BRAF: variants seen among roughly 807,000 people sequenced by gnomAD.
The protein encoded by BRAF is B-Raf proto-oncogene, serine/threonine kinase, also known as serine/threonine-protein kinase B-raf.
A neutral mutation model predicts 104.6 loss-of-function variants in BRAF; 16 were observed. The observed-to-expected ratio is 0.15, with a 90% CI of 0.10 to 0.23. BRAF has a LOEUF of 0.23. Ranked by LOEUF, BRAF falls within the 10% of genes least tolerant of loss-of-function variation. The probability of loss-of-function intolerance (pLI) is 1.00; values close to 1 mark genes in which losing one functional copy is unlikely to be tolerated. For missense variants in BRAF, 541 were observed against 937.3 expected (o/e 0.58, Z 5.52); for synonymous variants, 310 against 341.6 (o/e 0.91, Z 1.02).
At chr7:140,794,567 C>A (rs939932898) in intron 7 of BRAF, 100 bp from the exon 8 acceptor site, 71 of 1,371,568 alleles carry the variant, frequency 5.2e-5, no homozygotes, top group Non-Finnish European at 5.1e-6. Context: ...TTTTTATATT[C>A]TCAAAATCAT....
intron 3 of BRAF, among the ~76,000 whole-genome samples, chr7:140,829,545 A>G (rs1806481716): frequency 6.6e-6 from 1 of 152,040 alleles, no homozygotes. Context: ...GATACCTATT[A>G]TATTCCACTG....
chr7:140,791,288 A>T (rs1801939268), intron 8 of BRAF, among the ~76,000 whole-genome samples: 1 of 152,216 alleles, frequency 6.6e-6, no homozygotes, highest in Non-Finnish European at 1.5e-5. Context: ...AATGAAGTAA[A>T]GATGACATTT....
chr7:140,717,149 A>G (rs951699518), downstream of BRAF, among the ~76,000 whole-genome samples: 1 of 152,236 alleles, frequency 6.6e-6, no homozygotes, highest in African/African-American at 2.4e-5. Flanking sequence ...AGCCATCGTG[A>G]CAAAATTATA....
chr7:140,882,990 T>C (rs1813115332), intron 1 of BRAF, among the ~76,000 whole-genome samples: 1 of 148,902 alleles, frequency 6.7e-6, no homozygotes. Context: ...CGAAACTCCA[T>C]CTCAAAAAAT....
Position 140,761,730 on chromosome 7 carries a change from G to T in BRAF, c.1815-7497C>A, listed in dbSNP as rs1798760620. Among the ~76,000 whole-genome samples the T allele has an allele frequency of 5.9e-5, 9 of 152,212 alleles. No homozygotes were observed. In the South Asian group the frequency reaches 1.7e-3, roughly 28 times the overall value. On this transcript the variant is annotated intron_variant, in intron 14 of 19. Transcript: ENST00000644969. Reference sequence around the variant, plus strand: ...AAGTGGAAAACAAAAAAAGGCAGGGGTTGCAATCCTAGTCTCTGATAAAAC... The same window carrying T: ...AAGTGGAAAACAAAAAAAGGCAGGGTTTGCAATCCTAGTCTCTGATAAAAC...
Position 140,720,040 on chromosome 7 carries a change from G to T in BRAF, c.*6454C>A. On this transcript the variant is annotated 3_prime_UTR_variant, in exon 20 of 20. Transcript: ENST00000644969. ...CCTCAAACCAAGGAATACATGAAAA[G>T]GGGGGATTTCCTTTTTCTTGGTCTA... 1 of 1,061,386 alleles carries T rather than the reference G, an allele frequency of 9.4e-7. No homozygotes were observed. 65.7% of individuals were successfully genotyped at this position (1,061,386 alleles called of 1,614,324 possible).
rs142978894 is a variant in BRAF, at chr7:140,896,255, G to A, written c.138+28311C>T. Among the ~76,000 whole-genome samples, 763 of 152,144 alleles carry A rather than the reference G, an allele frequency of 5.0e-3. 5 individuals carry two copies. Among genetic ancestry groups the A allele is most frequent in the African/African-American group, 0.016 (676 of 41,484 alleles). On this transcript the variant is annotated intron_variant, in intron 1 of 19. Coordinates refer to ENST00000644969, the MANE Select transcript of BRAF (RefSeq NM_001374258.1). The stretch of plus-strand genomic sequence containing the variant: ...TTTGATCCATTTTGAGTTGATTTTT[G>A]TATAGGGTGAGAGGTGGGGGTCTAG...
In BRAF at chr7:140,720,413, A is replaced by G. The variant is rs985035033; in HGVS notation, c.*6081T>C. ...GTATGTAAACTAACATAACATGAAG[A>G]TAAATAAGACATAAAGGCTAGCCAC... On this transcript the variant is annotated 3_prime_UTR_variant, in exon 20 of 20. Transcript: ENST00000644969. 1.9e-6 allele frequency: 2 copies of G among 1,062,602 alleles called. No homozygotes were observed. The highest frequency in any genetic ancestry group is 3.3e-5 in the African/African-American group (2 of 60,958). 65.8% of individuals were successfully genotyped at this position (1,062,602 alleles called of 1,614,324 possible). A position where few individuals can be genotyped will look rare whatever the true frequency, so the allele number is the denominator to read the frequency against.
Position 140,754,317 on chromosome 7 carries a change from A to G in BRAF, c.1815-84T>C. The G allele has an allele frequency of 3.5e-6, 4 of 1,153,136 alleles. No homozygotes were observed. The South Asian group carries it at 3.7e-5, about 11-fold the overall frequency. 71.4% of individuals were successfully genotyped at this position (1,153,136 alleles called of 1,614,324 possible). Reference sequence around the variant, plus strand: ...CTACAGAACATACTTGGGGGTGTAAAGACTTATTTAGAATCATGATACAAC... The same window carrying G: ...CTACAGAACATACTTGGGGGTGTAAGGACTTATTTAGAATCATGATACAAC... On this transcript the variant is annotated intron_variant, in intron 14 of 19. Transcript: ENST00000644969.
intron 2 of BRAF, chr7:140,836,219 T>C (rs1807321708): frequency 6.6e-6 from 1 of 152,196 alleles, no homozygotes; most frequent in South Asian, 2.1e-4. Context: ...TATATGTTTG[T>C]GAAATTTAAA....
At chr7:140,801,227 A>G (rs1803076446) in intron 6 of BRAF, 185 bp downstream of exon 6, 3 of 629,034 alleles carry the variant, frequency 4.8e-6, no homozygotes, top group Non-Finnish European at 8.3e-6. Context: ...CTGAACCAGC[A>G]TTACAATTTG....
intron 2 of BRAF, among the ~76,000 whole-genome samples, chr7:140,845,330 A>C (rs1209966120): frequency 6.6e-6 from 1 of 152,206 alleles, no homozygotes; most frequent in Non-Finnish European, 1.5e-5. Context: ...CTTGGATATG[A>C]TATCAAAGGC....
In BRAF at chr7:140,775,288, T is replaced by G. The variant is rs927877492; in HGVS notation, c.1814+1624A>C. 4.6e-5 allele frequency among the ~76,000 whole-genome samples: 7 copies of G among 152,164 alleles called. No homozygotes were observed. The East Asian group carries it at 1.2e-3, about 25-fold the overall frequency. On this transcript the variant is annotated intron_variant, in intron 14 of 19. Transcript: ENST00000644969. ...CAGTGGTGTGGGAAGAGAATAAGCC[T>G]TTGTTTCTCACTGAATGTTCACAAT...
chr7:140,724,959 A>G lies in BRAF; in HGVS notation c.*1535T>C, dbSNP rs1274191802. On this transcript the variant is annotated 3_prime_UTR_variant, in exon 20 of 20. Transcript: ENST00000644969. ...GGTTATATTTTCCATTTGTGCAAAG[A>G]TAAGATTTAGGTTCTTAATGAATGC... 1.1e-5 allele frequency: 11 copies of G among 1,043,284 alleles called. No homozygotes were observed. Among genetic ancestry groups the G allele is most frequent in the African/African-American group, 3.3e-5 (2 of 59,852 alleles). The allele number at this position is 1,043,284 out of a possible 1,614,324, so 64.6% of individuals were successfully genotyped here. A position where few individuals can be genotyped will look rare whatever the true frequency, so the allele number is the denominator to read the frequency against.
chr7:140,866,985 T>C (rs938657422), intron 1 of BRAF, among the ~76,000 whole-genome samples: 5 of 152,110 alleles, frequency 3.3e-5, no homozygotes, highest in African/African-American at 1.2e-4. Context: ...TTTGAAAAAA[T>C]AGTTTTCAAA....
At chr7:140,813,805 A>G (rs1298994738) in intron 3 of BRAF, among the ~76,000 whole-genome samples, 1 of 152,186 alleles carries the variant, frequency 6.6e-6, no homozygotes, top group Non-Finnish European at 1.5e-5. Context: ...AAATAAATGT[A>G]TTTGTACTTA....
At chr7:140,834,944 T>C in intron 2 of BRAF, 72 bp from the exon 3 acceptor site, 1 of 1,568,212 alleles carries the variant, frequency 6.4e-7, no homozygotes, top group African/African-American at 1.4e-5. Flanking sequence ...TATAAAATTT[T>C]AGCCTTTGAT....
intron 19 of BRAF, among the ~76,000 whole-genome samples, chr7:140,730,115 T>A (rs1290073324): frequency 6.6e-6 from 1 of 152,100 alleles, no homozygotes; most frequent in African/African-American, 2.4e-5. Context: ...AGGTGATGAA[T>A]CTGCTTTCAC....
In BRAF at chr7:140,719,960, C is replaced by T. The variant is rs758913089; in HGVS notation, c.*6534G>A. On this transcript the variant is annotated 3_prime_UTR_variant, in exon 20 of 20. Coordinates refer to ENST00000644969, the MANE Select transcript of BRAF (RefSeq NM_001374258.1). ...AGTGGTGAAACAGGAACCGTGAATT[C>T]ACTGCAGTTCAAACAGGAAGCATCT... 15 of 1,062,468 alleles carry T rather than the reference C, an allele frequency of 1.4e-5. No homozygotes were observed. The highest frequency in any genetic ancestry group is 1.7e-5 in the Non-Finnish European group (15 of 877,434). 65.8% of individuals were successfully genotyped at this position (1,062,468 alleles called of 1,614,324 possible). A position where few individuals can be genotyped will look rare whatever the true frequency, so the allele number is the denominator to read the frequency against.
Sources: allele counts gnomAD v4.1 joint callset (sites outside exome capture counted in the v4.1 genomes callset), GRCh38; gene constraint gnomAD v4.1.1; transcripts MANE v1.5; gene names NCBI Gene and HGNC (gene_info 2026-07-23, HGNC 2026-07-21).